The following AGAP1 variants were observed in gnomAD, a reference collection of about 807,000 sequenced individuals.
AGAP1 encodes ArfGAP with GTPase domain, ankyrin repeat and PH domain 1.
AGAP1 carries 29 observed loss-of-function variants against 105.3 expected under a neutral mutation model. The ratio of observed to expected loss-of-function variants is 0.28; its 90% confidence interval spans 0.21 to 0.38. The LOEUF (loss-of-function observed/expected upper bound fraction) is 0.38, where lower values mean the gene tolerates loss of function less well. Ranked by LOEUF, AGAP1 falls within the 10% of genes least tolerant of loss-of-function variation. The probability of loss-of-function intolerance (pLI) is 1.00; values close to 1 mark genes in which losing one functional copy is unlikely to be tolerated. For synonymous variants in AGAP1, 509 were observed against 485.9 expected, an observed-to-expected ratio of 1.05 and a Z score of -0.63; for missense variants, 998 against 1,165.1, an observed-to-expected ratio of 0.86 and a Z score of 2.09.
intron 12 of AGAP1, among the ~76,000 whole-genome samples, chr2:235,938,841 G>A (rs898702604): frequency 5.9e-5 from 9 of 152,102 alleles, no homozygotes; most frequent in Non-Finnish European, 7.4e-5. Context: ...AGGGCCGGAG[G>A]ACCCTCTCAG....
At chr2:235,607,973 C>T (rs1946001687) in intron 1 of AGAP1, among the ~76,000 whole-genome samples, 1 of 152,202 alleles carries the variant, frequency 6.6e-6, no homozygotes, top group East Asian at 1.9e-4. Flanking sequence ...CGAGTTTTGA[C>T]TTGGAAGTGC....
chr2:235,656,569 C>T (rs530891253), intron 1 of AGAP1, among the ~76,000 whole-genome samples: 3 of 152,282 alleles, frequency 2.0e-5, no homozygotes, highest in Admixed American at 1.3e-4. Context: ...CCCACCGAAC[C>T]ACTCACCGGG....
At chr2:235,811,323 G>A (rs889946485) in intron 9 of AGAP1, among the ~76,000 whole-genome samples, 3 of 152,224 alleles carry the variant, frequency 2.0e-5, no homozygotes, top group African/African-American at 7.2e-5. Flanking sequence ...GTACTTGGTA[G>A]CGTACGCTAG....
At chr2:235,969,820 C>T (rs775081233) in intron 13 of AGAP1, among the ~76,000 whole-genome samples, 4 of 152,170 alleles carry the variant, frequency 2.6e-5, no homozygotes, top group Admixed American at 6.5e-5. Flanking sequence ...CGCCAGCCTC[C>T]GCAGAAGGGT....
chr2:235,528,538 C>T (rs879279639), intron 1 of AGAP1, among the ~76,000 whole-genome samples: 13 of 151,996 alleles, frequency 8.6e-5, no homozygotes, highest in Admixed American at 2.0e-4. Context: ...GCGAGATGCT[C>T]GAGAGATTGT....
intron 13 of AGAP1, 48 bp downstream of exon 13, chr2:235,968,671 T>C (rs764957251): frequency 1.3e-6 from 2 of 1,563,834 alleles, no homozygotes; most frequent in Admixed American, 2.0e-5. Context: ...TGCGGAAAAT[T>C]CTCTGTTATT....
intron 1 of AGAP1, among the ~76,000 whole-genome samples, chr2:235,694,187 T>A (rs1325811722): frequency 6.7e-6 from 1 of 148,396 alleles, no homozygotes; most frequent in Non-Finnish European, 1.5e-5. Context: ...CTACTAAAAA[T>A]ACAAAAATTT....
rs2125021053 is a variant in AGAP1 at position 235,905,449 on chromosome 2, T to C, written c.1156-3289T>C. Among the ~76,000 whole-genome samples the C allele has an allele frequency of 6.6e-6, 1 of 152,306 alleles. No homozygotes were observed. Among genetic ancestry groups the C allele is most frequent in the Middle Eastern group, 3.4e-3 (1 of 294 alleles). Reference sequence around the variant, plus strand: ...AAAGATGCTTGAGAAAAACCTTTTTTAGGAAGTGACCAACACTCACCACTC... The same window carrying C: ...AAAGATGCTTGAGAAAAACCTTTTTCAGGAAGTGACCAACACTCACCACTC... On this transcript the variant is annotated intron_variant, in intron 10 of 17. Coordinates refer to ENST00000304032, the MANE Select transcript of AGAP1 (RefSeq NM_001037131.3). This position sits in a 1 kb window ranked among gnomAD's most constrained non-coding sequence, Gnocchi z 4.2.
At position 235,716,130 on chromosome 2, in the gene AGAP1, C is replaced by G. The variant is rs555610146; in HGVS notation, c.223-1427C>G. Among the ~76,000 whole-genome samples, 92 of 152,262 alleles carry G rather than the reference C, an allele frequency of 6.0e-4. No homozygotes were observed. The highest frequency in any genetic ancestry group is 1.0e-3 in the Non-Finnish European group (69 of 68,022). ...GATTCCAGAGTCTGCAGGGTGTCTC[C>G]TGTTAAATGGAATCGCAGCTCATTG... On this transcript the variant is annotated intron_variant, in intron 2 of 17. Coordinates refer to ENST00000304032, the MANE Select transcript of AGAP1 (RefSeq NM_001037131.3). This position sits in a 1 kb window ranked among gnomAD's most constrained non-coding sequence, Gnocchi z 4.0.
intron 12 of AGAP1, among the ~76,000 whole-genome samples, chr2:235,950,064 G>A (rs1212068118): frequency 6.6e-6 from 1 of 152,194 alleles, no homozygotes; most frequent in African/African-American, 2.4e-5. Flanking sequence ...TGGGCACAGA[G>A]AGTGAGGTGT....
At chr2:235,815,361 T>TC (rs912651274) in intron 9 of AGAP1, among the ~76,000 whole-genome samples, 5 of 152,218 alleles carry the variant, frequency 3.3e-5, no homozygotes, top group African/African-American at 1.2e-4. Context: ...TGGCCTGGAC[T>TC]CCATGTGCAC....
In AGAP1 at chr2:235,586,084, G is replaced by T. The variant is rs113629823; in HGVS notation, c.163+91235G>T. ...TAGGAGCTTCATGAGCGAGTCAAAT[G>T]CAAGTTGGGGAAGTGGCTGAAAAAA... On this transcript the variant is annotated intron_variant, in intron 1 of 17. Transcript: ENST00000304032. This position sits in a 1 kb window ranked among gnomAD's most constrained non-coding sequence, Gnocchi z 4.2. 0.018 allele frequency among the ~76,000 whole-genome samples: 2,668 copies of T among 152,274 alleles called. 39 individuals carry two copies. The highest frequency in any genetic ancestry group is 0.045 in the South Asian group (217 of 4,804).
intron 5 of AGAP1, among the ~76,000 whole-genome samples, chr2:235,746,821 C>T (rs548157562): frequency 2.0e-5 from 3 of 152,184 alleles, no homozygotes; most frequent in South Asian, 4.1e-4. Flanking sequence ...TGGGCTTTTG[C>T]TTAGACTCAC....
At chr2:235,617,294 TACAAAC>T (rs1946339128) in intron 1 of AGAP1, among the ~76,000 whole-genome samples, 1 of 152,248 alleles carries the variant, frequency 6.6e-6, no homozygotes, top group African/African-American at 2.4e-5. Flanking sequence ...TTACTTTTTC[TACAAAC>T]AATTCTTGAA....
chr2:235,568,524 C>T (rs1944419646), intron 1 of AGAP1, among the ~76,000 whole-genome samples: 1 of 152,096 alleles, frequency 6.6e-6, no homozygotes, highest in African/African-American at 2.4e-5. Context: ...GACATGGACT[C>T]GTGGCAGAAC....
rs1333627898 is a variant in AGAP1 at position 235,805,126 on chromosome 2, T to G, written c.958-2113T>G. Among the ~76,000 whole-genome samples, 3 of 152,250 alleles carry G rather than the reference T, an allele frequency of 2.0e-5. No individual in the cohort carries two copies. The East Asian group carries it at 5.8e-4, about 29-fold the overall frequency. On this transcript the variant is annotated intron_variant, in intron 8 of 17. Coordinates refer to ENST00000304032, the MANE Select transcript of AGAP1 (RefSeq NM_001037131.3). The stretch of plus-strand genomic sequence containing the variant: ...GTACAGCAAACTCTTTTGCCTAACA[T>G]CTTGCCACTGTTCTTTCCCGAAATT...
Position 235,633,132 on chromosome 2 carries a change from G to A in AGAP1, c.164-76047G>A, listed in dbSNP as rs1946881643. On this transcript the variant is annotated intron_variant, in intron 1 of 17. Transcript: ENST00000304032. The surrounding 1 kb of genome is among the most constrained non-coding windows in gnomAD (Gnocchi z 4.8). The stretch of plus-strand genomic sequence containing the variant: ...CATAAGGGTCATGGCCCACATCCCT[G>A]TAACAAAAGACAGGTTAACGAGAGA... Among the ~76,000 whole-genome samples the A allele has an allele frequency of 6.6e-6, 1 of 152,104 alleles. No homozygotes were observed. Among genetic ancestry groups the A allele is most frequent in the African/African-American group, 2.4e-5 (1 of 41,418 alleles).
chr2:235,940,026 T>G (rs2053187764), intron 12 of AGAP1, among the ~76,000 whole-genome samples: 1 of 152,188 alleles, frequency 6.6e-6, no homozygotes, highest in South Asian at 2.1e-4. Context: ...ATGCTCAGCA[T>G]ATTTGAAGAA....
rs541383753 is a variant in AGAP1, at chr2:235,523,218, C to A, written c.163+28369C>A. ...CCTCACGGCCATGACCTCATCTAAA[C>A]CTGATCACCTCCCAGAGGCCCCACT... On this transcript the variant is annotated intron_variant, in intron 1 of 17. Transcript: ENST00000304032. 2.6e-5 allele frequency among the ~76,000 whole-genome samples: 4 copies of A among 152,288 alleles called. No individual in the cohort carries two copies. In the South Asian group the frequency reaches 8.3e-4, roughly 32 times the overall value.
Sources: allele counts gnomAD v4.1 joint callset (sites outside exome capture counted in the v4.1 genomes callset), GRCh38; gene constraint gnomAD v4.1.1; non-coding constraint Gnocchi (gnomAD v3.1); transcripts MANE v1.5; gene names NCBI Gene and HGNC (gene_info 2026-07-23, HGNC 2026-07-21).